GSE1: variants seen among roughly 807,000 people sequenced by gnomAD.
GSE1 encodes genetic suppressor element 1.
A neutral mutation model predicts 112.6 loss-of-function variants in GSE1; 32 were observed. That is an observed-to-expected ratio of 0.28 (90% CI 0.21 to 0.38). The LOEUF (loss-of-function observed/expected upper bound fraction) is 0.38. Among genes scored for constraint, GSE1 ranks in the 10% least tolerant of loss-of-function variants. The pLI is 1.00. For missense variants in GSE1, 2,348 were observed against 1,699.2 expected, an observed-to-expected ratio of 1.38 and a Z score of -6.71; for synonymous variants, 1,115 against 735.6, an observed-to-expected ratio of 1.52 and a Z score of -8.35.
At chr16:85,471,311 C>A (rs1180664552) in intron 2 of GSE1, among the ~76,000 whole-genome samples, 5 of 152,196 alleles carry the variant, frequency 3.3e-5, no homozygotes, top group Non-Finnish European at 7.3e-5. Flanking sequence ...TTTCGTAGCT[C>A]CAACCTCATT....
chr16:85,654,232 G>A (rs778641258), intron 3 of GSE1, 46 bp from the exon 4 acceptor site: 8 of 1,543,036 alleles, frequency 5.2e-6, no homozygotes, highest in African/African-American at 2.7e-5. Flanking sequence ...TGTGGTCAGT[G>A]GCCTATACCA....
chr16:85,601,910 C>A (rs1207520718), intron 1 of GSE1, among the ~76,000 whole-genome samples: 3 of 152,176 alleles, frequency 2.0e-5, no homozygotes, highest in African/African-American at 7.2e-5. Flanking sequence ...GCAACTGGGA[C>A]TTGATTGTCC....
At chr16:85,300,054 C>T (rs1029126439) in intron 1 of GSE1, among the ~76,000 whole-genome samples, 1 of 151,924 alleles carries the variant, frequency 6.6e-6, no homozygotes, top group Non-Finnish European at 1.5e-5. Flanking sequence ...TCTTCTAGCC[C>T]AGGCTGGAGT....
chr16:85,413,965 G>C (rs1383827644), intron 2 of GSE1, among the ~76,000 whole-genome samples: 1 of 152,182 alleles, frequency 6.6e-6, no homozygotes, highest in Non-Finnish European at 1.5e-5. Flanking sequence ...CTTGTGAAGA[G>C]GGCACCTTGC....
At chr16:85,297,902 C>T (rs979360989) in intron 1 of GSE1, among the ~76,000 whole-genome samples, 3 of 152,128 alleles carry the variant, frequency 2.0e-5, no homozygotes, top group Admixed American at 6.5e-5. Context: ...TTCAGGGTGC[C>T]GTGGAACTTG....
chr16:85,480,666 G>A (rs921861688), intron 2 of GSE1, among the ~76,000 whole-genome samples: 11 of 152,038 alleles, frequency 7.2e-5, no homozygotes, highest in Admixed American at 7.2e-4. Context: ...TCCACCCTGG[G>A]TGTTGCCTTC....
chr16:85,500,069 A>G (rs1255234833), intron 2 of GSE1, among the ~76,000 whole-genome samples: 1 of 151,832 alleles, frequency 6.6e-6, no homozygotes, highest in East Asian at 1.9e-4. Context: ...CACCCTAAAC[A>G]CCCCACCACG....
chr16:85,634,899 C>A (rs1041837191), intron 2 of GSE1, among the ~76,000 whole-genome samples: 2 of 152,310 alleles, frequency 1.3e-5, no homozygotes, highest in African/African-American at 4.8e-5. Flanking sequence ...TGCTGGGGGC[C>A]TTGGCCATGT....
intron 2 of GSE1, among the ~76,000 whole-genome samples, chr16:85,647,476 A>G (rs907371709): frequency 6.6e-6 from 1 of 152,204 alleles, no homozygotes; most frequent in Non-Finnish European, 1.5e-5. Flanking sequence ...GATCTTTTAA[A>G]GAAACTCCCC....
intron 2 of GSE1, among the ~76,000 whole-genome samples, chr16:85,400,509 CTGTG>C (rs1160640503): frequency 1.4e-5 from 2 of 147,794 alleles, no homozygotes; most frequent in African/African-American, 2.5e-5. Flanking sequence ...TTGTGTGTGT[CTGTG>C]TGGTTGTGAG....
chr16:85,626,921 G>C lies in GSE1; in HGVS notation c.8-6993G>C, dbSNP rs140275543. ...CTGCTGTTGGAGCGTTTGGACAGCA[G>C]GCAGACCGGTTTGGGGTCTGTTCTG... On this transcript the variant is annotated intron_variant, in intron 1 of 15. Coordinates refer to ENST00000253458, the MANE Select transcript of GSE1 (RefSeq NM_014615.5). 4.4e-3 allele frequency among the ~76,000 whole-genome samples: 672 copies of C among 152,082 alleles called. 4 individuals carry two copies. The highest frequency in any genetic ancestry group is 6.5e-3 in the Non-Finnish European group (442 of 67,968).
At chr16:85,546,986 G>T (rs900768785) in intron 2 of GSE1, among the ~76,000 whole-genome samples, 1 of 152,222 alleles carries the variant, frequency 6.6e-6, no homozygotes, top group East Asian at 1.9e-4. Context: ...GTGTCACGAG[G>T]GAGTGAGATG....
At chr16:85,447,799 A>G (rs4782703) in intron 2 of GSE1, among the ~76,000 whole-genome samples, 44,073 of 152,172 alleles carry the variant, frequency 0.29, 7,350 homozygotes, top group South Asian at 0.41. Context: ...GTGTGAGGTC[A>G]GACCCTGAGG....
intron 7 of GSE1, 68 bp downstream of exon 7, chr16:85,656,733 C>T: frequency 7.0e-7 from 1 of 1,437,174 alleles, no homozygotes; most frequent in Non-Finnish European, 9.1e-7. Context: ...CCCTGAATCG[C>T]AGCACCTGCC....
chr16:85,268,760 G>A (rs546453566), intron 1 of GSE1, among the ~76,000 whole-genome samples: 30 of 152,290 alleles, frequency 2.0e-4, no homozygotes, highest in Admixed American at 1.6e-3. Flanking sequence ...TCCTCGGGGG[G>A]CATTGGTTCC....
At chr16:85,667,272 C>A (rs1276256482) in intron 13 of GSE1, among the ~76,000 whole-genome samples, 1 of 151,988 alleles carries the variant, frequency 6.6e-6, no homozygotes, top group Non-Finnish European at 1.5e-5. Context: ...TAAACTGTTT[C>A]CTCTAGATTT....
chr16:85,270,995 C>T (rs1404234450), intron 1 of GSE1, among the ~76,000 whole-genome samples: 1 of 152,196 alleles, frequency 6.6e-6, no homozygotes, highest in Non-Finnish European at 1.5e-5. Context: ...TCTCCCCCGT[C>T]TCACTGAGGC....
chr16:85,235,973 C>CGGGCCT (rs561194948), intron 1 of GSE1, among the ~76,000 whole-genome samples: 314 of 151,424 alleles, frequency 2.1e-3, no homozygotes, highest in African/African-American at 5.5e-3. Context: ...CCTCCGGCGC[C>CGGGCCT]GGGCCTGGGC....
chr16:85,383,021 C>T (rs1444188575), intron 2 of GSE1, among the ~76,000 whole-genome samples: 1 of 151,748 alleles, frequency 6.6e-6, no homozygotes, highest in Non-Finnish European at 1.5e-5. Flanking sequence ...CACGGTTGCA[C>T]CCACACATGC....
Sources: allele counts gnomAD v4.1 joint callset (sites outside exome capture counted in the v4.1 genomes callset), GRCh38; gene constraint gnomAD v4.1.1; transcripts MANE v1.5; gene names NCBI Gene and HGNC (gene_info 2026-07-23, HGNC 2026-07-21).